The following IL1RAP variants were observed in gnomAD, a reference collection of about 807,000 sequenced individuals.
IL1RAP encodes the protein interleukin-1 receptor accessory protein.
In IL1RAP, 35 loss-of-function variants were observed where a neutral mutation model predicts 60.7. That is an observed-to-expected ratio of 0.58 (90% CI 0.44 to 0.76). The LOEUF is 0.76. Ranked by LOEUF, IL1RAP falls within the 30% of genes least tolerant of loss-of-function variation. IL1RAP has a pLI of 0.00. For synonymous variants in IL1RAP, 268 were observed against 250.9 expected (o/e 1.07, Z -0.64); for missense variants, 572 against 693.9 (o/e 0.82, Z 1.97).
At chr3:190,636,934 C>T (rs1733272046) in intron 9 of IL1RAP, among the ~76,000 whole-genome samples, 1 of 151,968 alleles carries the variant, frequency 6.6e-6, no homozygotes, top group African/African-American at 2.4e-5. Context: ...GCTTTTGGCT[C>T]TTCCTTTTTG....
chr3:190,546,979 C>T (rs980257715), intron 1 of IL1RAP, among the ~76,000 whole-genome samples: 3 of 152,182 alleles, frequency 2.0e-5, no homozygotes, highest in South Asian at 2.1e-4. Context: ...TTTTAGTATA[C>T]GTTCTGCATT....
chr3:190,551,648 T>G (rs1164184821), intron 1 of IL1RAP, among the ~76,000 whole-genome samples: 1 of 152,270 alleles, frequency 6.6e-6, no homozygotes, highest in Non-Finnish European at 1.5e-5. Flanking sequence ...CTTTGAGTCC[T>G]GTACATTTTT....
intron 2 of IL1RAP, among the ~76,000 whole-genome samples, chr3:190,561,812 A>G (rs1725909598): frequency 6.6e-6 from 1 of 152,216 alleles, no homozygotes; most frequent in Non-Finnish European, 1.5e-5. Context: ...TCAAGTCTGT[A>G]GATGTCACAA....
chr3:190,594,905 CT>C (rs1729252231), intron 3 of IL1RAP, among the ~76,000 whole-genome samples: 1 of 152,110 alleles, frequency 6.6e-6, no homozygotes. Context: ...CTATTATGAG[CT>C]TCTTTTTTGG....
At chr3:190,656,653 G>A (rs1353946491) in exon 12 of IL1RAP, 2 of 1,115,632 alleles carry the variant, frequency 1.8e-6, no homozygotes, top group Non-Finnish European at 2.5e-6. Context: ...CCAACCCTCT[G>A]TATGTCATGA....
intron 3 of IL1RAP, among the ~76,000 whole-genome samples, chr3:190,602,744 C>G (rs1341933173): frequency 2.0e-5 from 3 of 152,072 alleles, no homozygotes. Context: ...CTAAATATAT[C>G]CTTTCCAATT....
intron 3 of IL1RAP, 88 bp from the exon 4 acceptor site, chr3:190,604,040 G>A (rs766834597): frequency 2.3e-4 from 306 of 1,308,160 alleles, no homozygotes; most frequent in South Asian, 3.0e-4. Flanking sequence ...GGAAAAGACC[G>A]GGTGAACTGA....
At chr3:190,579,787 A>G (rs1458296715) in intron 3 of IL1RAP, among the ~76,000 whole-genome samples, 1 of 152,130 alleles carries the variant, frequency 6.6e-6, no homozygotes, top group African/African-American at 2.4e-5. Flanking sequence ...TCCTGTCTCT[A>G]TAGATTTGCC....
intron 1 of IL1RAP, among the ~76,000 whole-genome samples, chr3:190,529,955 G>A (rs751044868): frequency 1.3e-5 from 2 of 152,090 alleles, no homozygotes; most frequent in African/African-American, 4.8e-5. Flanking sequence ...ACGTATGTGA[G>A]TTGCAGTACT....
intron 1 of IL1RAP, among the ~76,000 whole-genome samples, chr3:190,526,320 A>T (rs1722509946): frequency 6.6e-6 from 1 of 152,190 alleles, no homozygotes; most frequent in African/African-American, 2.4e-5. Flanking sequence ...CAATATTGGA[A>T]ATTGAGCAAG....
At chr3:190,597,195 A>G (rs969370993) in intron 3 of IL1RAP, among the ~76,000 whole-genome samples, 1 of 152,196 alleles carries the variant, frequency 6.6e-6, no homozygotes, top group Non-Finnish European at 1.5e-5. Flanking sequence ...TATTAAGCCG[A>G]TGGATTGGGC....
At position 190,645,692 on chromosome 3, in the gene IL1RAP, T is replaced by C. The variant is rs745795073; in HGVS notation, c.1202-7T>C. On this transcript the variant is annotated splice_region_variant and splice_polypyrimidine_tract_variant and intron_variant, in intron 10 of 11. Transcript: ENST00000447382. ...AATTTACATTGTATCTGTGTTCCTT[T>C]TGCTAGATGGAAAAGAGTATGATAT... is the stretch of plus-strand genomic sequence containing the variant. 1.9e-6 allele frequency: 3 copies of C among 1,604,608 alleles called. No individual in the cohort carries two copies. In the South Asian group the frequency reaches 3.3e-5, roughly 18 times the overall value.
chr3:190,565,322 G>A (rs371216617), intron 3 of IL1RAP, among the ~76,000 whole-genome samples: 4 of 152,132 alleles, frequency 2.6e-5, no homozygotes, highest in East Asian at 1.9e-4. Flanking sequence ...TTTACATATC[G>A]TTGCTTTAAT....
At chr3:190,593,695 C>G (rs1729138035) in intron 3 of IL1RAP, among the ~76,000 whole-genome samples, 1 of 152,044 alleles carries the variant, frequency 6.6e-6, no homozygotes, top group Non-Finnish European at 1.5e-5. Context: ...ATGAGAACAG[C>G]ACAGGAAAGA....
downstream of IL1RAP, among the ~76,000 whole-genome samples, chr3:190,653,162 TAGTA>T (rs1419913476): frequency 3.3e-5 from 5 of 152,308 alleles, no homozygotes; most frequent in Middle Eastern, 3.4e-3. Flanking sequence ...TAAATCCACA[TAGTA>T]AGATGATATT....
intron 1 of IL1RAP, among the ~76,000 whole-genome samples, chr3:190,541,131 G>A (rs1723900998): frequency 6.6e-6 from 1 of 151,858 alleles, no homozygotes; most frequent in Non-Finnish European, 1.5e-5. Context: ...GGGAGATAGG[G>A]GTGCTATCTA....
chr3:190,626,346 G>A (rs776280725), intron 7 of IL1RAP, among the ~76,000 whole-genome samples: 77 of 152,144 alleles, frequency 5.1e-4, no homozygotes, highest in Admixed American at 3.4e-3. Context: ...AAAGTTCTTA[G>A]TAAGTATGTT....
chr3:190,551,135 A>G (rs1724825319), intron 1 of IL1RAP, among the ~76,000 whole-genome samples: 1 of 152,196 alleles, frequency 6.6e-6, no homozygotes, highest in Non-Finnish European at 1.5e-5. Context: ...TGGGCCTGTT[A>G]GAAAGTGACA....
chr3:190,573,494 A>G (rs982557541), intron 3 of IL1RAP, among the ~76,000 whole-genome samples: 4 of 152,152 alleles, frequency 2.6e-5, no homozygotes, highest in African/African-American at 4.8e-5. Context: ...AGTAATCGGA[A>G]GTGTTGGAGG....
Sources: gnomAD v4.1 joint callset for allele counts (sites outside exome capture counted in the v4.1 genomes callset) on GRCh38, gnomAD v4.1.1 for gene constraint, MANE v1.5 for transcripts, NCBI Gene and HGNC (gene_info 2026-07-23, HGNC 2026-07-21) for gene names.